Variants in CEP83 observed in about 807,000 individuals in gnomAD.
The protein encoded by CEP83 is centrosomal protein of 83 kDa.
CEP83 carries 70 observed loss-of-function variants against 101.9 expected under a neutral mutation model. The observed-to-expected ratio is 0.69, with a 90% CI of 0.57 to 0.84. CEP83 has a LOEUF of 0.84. CEP83 is among the 40% of genes least tolerant of loss of function. The pLI is 0.00. For missense variants in CEP83, 715 were observed against 787.2 expected, an observed-to-expected ratio of 0.91 and a Z score of 1.10; for synonymous variants, 264 against 267.9, an observed-to-expected ratio of 0.99 and a Z score of 0.14.
chr12:94,297,400 CTG>C, the CEP83 span: 1 of 1,613,208 alleles, frequency 6.2e-7, no homozygotes, highest in Non-Finnish European at 8.5e-7. Context: ...AGAAATGTAT[CTG>C]ACAAAGCTGC....
At chr12:94,421,221 T>A (rs1240081900) in intron 2 of CEP83, among the ~76,000 whole-genome samples, 6 of 152,036 alleles carry the variant, frequency 3.9e-5, no homozygotes, top group African/African-American at 9.7e-5. Context: ...TTATTTATTT[T>A]AATTTTTATT....
chr12:94,407,118 AAAC>A (rs947800370), intron 4 of CEP83, among the ~76,000 whole-genome samples: 1 of 152,154 alleles, frequency 6.6e-6, no homozygotes, highest in Admixed American at 6.6e-5. Flanking sequence ...ATAAATTAAT[AAAC>A]AACATCAGCA....
chr12:94,274,948 T>A, the CEP83 span, among the ~76,000 whole-genome samples: 2 of 152,210 alleles, frequency 1.3e-5, no homozygotes, highest in South Asian at 4.1e-4. Flanking sequence ...TATAAAGCAC[T>A]CCTTAATTTG....
intron 11 of CEP83, among the ~76,000 whole-genome samples, chr12:94,354,518 C>T (rs2136825453): frequency 2.0e-5 from 3 of 152,168 alleles, no homozygotes; most frequent in Middle Eastern, 6.8e-3. Context: ...GAACATGGAG[C>T]ATTCCACAGG....
At chr12:94,297,482 A>C in the CEP83 span, 2 of 1,170,690 alleles carry the variant, frequency 1.7e-6, no homozygotes, top group Non-Finnish European at 1.3e-6. Context: ...GATATGTTTG[A>C]CTTAATTTCC....
the CEP83 span, among the ~76,000 whole-genome samples, chr12:94,300,719 G>C: frequency 1.3e-5 from 2 of 152,134 alleles, no homozygotes; most frequent in Admixed American, 1.3e-4. Flanking sequence ...TTCTTTTACA[G>C]TAGCTCTGCC....
the CEP83 span, among the ~76,000 whole-genome samples, chr12:94,295,712 AGGCACATAAT>A: frequency 6.6e-6 from 1 of 152,250 alleles, no homozygotes; most frequent in East Asian, 1.9e-4. Flanking sequence ...CACAGAAGAA[AGGCACATAAT>A]GGCACACAGT....
intron 1 of CEP83, among the ~76,000 whole-genome samples, chr12:94,455,423 T>C (rs531732967): frequency 6.6e-6 from 1 of 152,224 alleles, no homozygotes; most frequent in East Asian, 1.9e-4. Context: ...GAAGCTAGAA[T>C]GGCAAATTCA....
chr12:94,338,707 T>C (rs1399998361), intron 11 of CEP83, among the ~76,000 whole-genome samples: 5 of 152,084 alleles, frequency 3.3e-5, no homozygotes, highest in African/African-American at 1.2e-4. Flanking sequence ...GATGAGTAAG[T>C]TGGGGGAAAA....
chr12:94,284,743 C>T, the CEP83 span, among the ~76,000 whole-genome samples: 1 of 152,066 alleles, frequency 6.6e-6, no homozygotes. Context: ...ATGCTGTGGC[C>T]TCTTACAAGA....
intron 14 of CEP83, among the ~76,000 whole-genome samples, chr12:94,317,713 T>C (rs1970935338): frequency 6.6e-6 from 1 of 152,184 alleles, no homozygotes; most frequent in South Asian, 2.1e-4. Flanking sequence ...TTGTTGAAGA[T>C]CAGATGATTG....
intron 11 of CEP83, among the ~76,000 whole-genome samples, chr12:94,347,094 T>C (rs375707519): frequency 2.5e-4 from 34 of 138,666 alleles, no homozygotes; most frequent in East Asian, 2.3e-3. Context: ...CACACACACA[T>C]ACACACACAC....
chr12:94,356,838 G>A (rs914726897), intron 11 of CEP83, among the ~76,000 whole-genome samples: 7 of 152,098 alleles, frequency 4.6e-5, no homozygotes, highest in South Asian at 4.2e-4. Flanking sequence ...TGGGCTGCTC[G>A]CAATGCCCAG....
chr12:94,327,758 C>T (rs1438536594), intron 14 of CEP83, among the ~76,000 whole-genome samples: 1 of 152,170 alleles, frequency 6.6e-6, no homozygotes, highest in Admixed American at 6.5e-5. Flanking sequence ...TACCTTCATT[C>T]CTATATTCCA....
chr12:94,378,769 T>C, intron 7 of CEP83, 22 bp downstream of exon 7: 1 of 1,612,812 alleles, frequency 6.2e-7, no homozygotes, highest in Non-Finnish European at 8.5e-7. Context: ...CATACTCTAC[T>C]GGGAAGTAAT....
intron 8 of CEP83, among the ~76,000 whole-genome samples, chr12:94,370,588 G>A (rs1049835778): frequency 1.3e-5 from 2 of 152,066 alleles, no homozygotes; most frequent in Non-Finnish European, 1.5e-5. Flanking sequence ...ATGTTGACCA[G>A]GCTGGTCTCA....
chr12:94,360,095 A>T (rs1446240340), intron 11 of CEP83, among the ~76,000 whole-genome samples: 3 of 151,988 alleles, frequency 2.0e-5, no homozygotes, highest in East Asian at 1.9e-4. Context: ...CAAAAACTTT[A>T]AAAAAAATTA....
the CEP83 span, chr12:94,282,135 AAAACAGAACT>A: frequency 2.2e-6 from 1 of 465,110 alleles, no homozygotes; most frequent in African/African-American, 4.9e-5. Context: ...CAAACAAAGT[AAAACAGAACT>A]CAGAATTCAG....
chr12:94,365,987 ACAAACAAAAAATGTAGGAAGT>A (rs2061007275), intron 11 of CEP83, among the ~76,000 whole-genome samples: 1 of 152,172 alleles, frequency 6.6e-6, no homozygotes. Flanking sequence ...ACAAAAACAA[ACAAACAAAAAATGTAGGAAGT>A]CTAAACCAGA....
Sources: allele counts gnomAD v4.1 joint callset (sites outside exome capture counted in the v4.1 genomes callset), GRCh38; gene constraint gnomAD v4.1.1; transcripts MANE v1.5; gene names NCBI Gene and HGNC (gene_info 2026-07-23, HGNC 2026-07-21).